RNF103: variants seen among roughly 807,000 people sequenced by gnomAD.
RNF103 encodes the protein ring finger protein 103.
A neutral mutation model predicts 66.2 loss-of-function variants in RNF103; 23 were observed. That is an observed-to-expected ratio of 0.35 (90% confidence interval 0.25 to 0.49). RNF103 has a LOEUF of 0.49. Among genes scored for constraint, RNF103 ranks in the 20% least tolerant of loss-of-function variants. The pLI, the probability that RNF103 is intolerant of heterozygous loss-of-function variation, is 0.98. For synonymous variants in RNF103, 297 were observed against 289.9 expected, an observed-to-expected ratio of 1.02 and a Z score of -0.25; for missense variants, 730 against 814.7, an observed-to-expected ratio of 0.90 and a Z score of 1.27.
chr2:86,615,791 A>C (rs1391207515), intron 2 of RNF103, among the ~76,000 whole-genome samples: 1 of 152,146 alleles, frequency 6.6e-6, no homozygotes, highest in African/African-American at 2.4e-5. Flanking sequence ...CTAGAAGTGA[A>C]GCAATCTTTC....
At chr2:86,619,967 G>A (rs1468550057) in intron 2 of RNF103, among the ~76,000 whole-genome samples, 1 of 152,028 alleles carries the variant, frequency 6.6e-6, no homozygotes, top group Non-Finnish European at 1.5e-5. Flanking sequence ...TCAGGCCACT[G>A]AATTAAAAAC....
At position 86,623,583 on chromosome 2, in the gene RNF103, G is replaced by T; in HGVS notation, c.-697C>A. 1 of 998,682 alleles carries T rather than the reference G, an allele frequency of 1.0e-6. No individual in the cohort carries two copies. Among genetic ancestry groups the T allele is most frequent in the Non-Finnish European group, 1.2e-6 (1 of 837,594 alleles). 61.9% of individuals were successfully genotyped at this position (998,682 alleles called of 1,614,324 possible). On this transcript the variant is annotated 5_prime_UTR_variant, in exon 1 of 4. Coordinates refer to ENST00000237455, the MANE Select transcript of RNF103 (RefSeq NM_005667.4). ...GGTTCGCTCGGGCCGGCTGGCGGGC[G>T]GCGCCTCTCAGGCGGGCGGGCACTG...
intron 3 of RNF103, among the ~76,000 whole-genome samples, chr2:86,606,706 G>T (rs1229986527): frequency 1.3e-5 from 2 of 149,382 alleles, no homozygotes; most frequent in African/African-American, 2.5e-5. Flanking sequence ...AATGAAAACA[G>T]CTGTTGTATC....
At chr2:86,611,261 T>C (rs755812795) in intron 3 of RNF103, among the ~76,000 whole-genome samples, 2 of 151,986 alleles carry the variant, frequency 1.3e-5, no homozygotes, top group Non-Finnish European at 2.9e-5. Flanking sequence ...AGACTAAATG[T>C]GAGTTAAGAG....
chr2:86,620,619 C>A (rs1235067308), intron 1 of RNF103, 150 bp from the exon 2 acceptor site: 10 of 1,072,952 alleles, frequency 9.3e-6, no homozygotes, highest in Middle Eastern at 2.9e-4. Context: ...CCTGGATATA[C>A]CCACTTAGGA....
At chr2:86,615,671 C>A (rs935947792) in intron 2 of RNF103, among the ~76,000 whole-genome samples, 2 of 151,802 alleles carry the variant, frequency 1.3e-5, no homozygotes, top group African/African-American at 4.8e-5. Flanking sequence ...ACATTTTCCT[C>A]AGCAGCTCAG....
chr2:86,608,948 C>T (rs2104216753), intron 3 of RNF103, among the ~76,000 whole-genome samples: 1 of 152,256 alleles, frequency 6.6e-6, no homozygotes, highest in South Asian at 2.1e-4. Context: ...AGAAGTTGCT[C>T]AGAAGTGGTA....
intron 2 of RNF103, chr2:86,617,890 T>TAA: frequency 9.7e-7 from 1 of 1,030,980 alleles, no homozygotes; most frequent in South Asian, 1.6e-5. Context: ...TTCAATCTCA[T>TAA]TCTTCTCAGT....
In RNF103 at chr2:86,605,490, T is replaced by C; in HGVS notation, c.483-72A>G. 2.7e-6 allele frequency: 4 copies of C among 1,475,320 alleles called. No homozygotes were observed. The South Asian group carries it at 5.7e-5, about 21-fold the overall frequency. 91.4% of individuals were successfully genotyped at this position (1,475,320 alleles called of 1,614,324 possible). A position where few individuals can be genotyped will look rare whatever the true frequency, so the allele number is the denominator to read the frequency against. Reference sequence around the variant, plus strand: ...CAATTTATCTTCCCTGACAAATTTCTTTAGCACCTCACCCCAAAGCCAAAT... The same window carrying C: ...CAATTTATCTTCCCTGACAAATTTCCTTAGCACCTCACCCCAAAGCCAAAT... On this transcript the variant is annotated intron_variant, in intron 3 of 3. Coordinates refer to ENST00000237455, the MANE Select transcript of RNF103 (RefSeq NM_005667.4).
At chr2:86,621,707 A>G (rs1679237277) in intron 1 of RNF103, among the ~76,000 whole-genome samples, 1 of 152,232 alleles carries the variant, frequency 6.6e-6, no homozygotes, top group Non-Finnish European at 1.5e-5. Flanking sequence ...CTTGTAAAAG[A>G]TACAGCTGAC....
chr2:86,610,153 A>G (rs1678736693), intron 3 of RNF103, among the ~76,000 whole-genome samples: 1 of 152,242 alleles, frequency 6.6e-6, no homozygotes, highest in Non-Finnish European at 1.5e-5. Context: ...CTGTGCAACA[A>G]AATCATTTTC....
intron 2 of RNF103, 152 bp downstream of exon 2, chr2:86,620,178 A>T: frequency 9.9e-7 from 1 of 1,008,330 alleles, no homozygotes; most frequent in Non-Finnish European, 1.3e-6. Context: ...AAACCTTTTT[A>T]AGAAGATACT....
chr2:86,607,496 A>G (rs892448571), intron 3 of RNF103, among the ~76,000 whole-genome samples: 6 of 152,122 alleles, frequency 3.9e-5, no homozygotes, highest in African/African-American at 1.5e-4. Context: ...TGTGACTCTT[A>G]GCTTCTTGTT....
At position 86,605,606 on chromosome 2, in the gene RNF103, CT is replaced by C. The variant is rs75524849; in HGVS notation, c.483-189del. Among the ~76,000 whole-genome samples the C allele has an allele frequency of 6.5e-4, 95 of 146,532 alleles. No homozygotes were observed. The South Asian group carries it at 7.7e-3, about 12-fold the overall frequency. On this transcript the variant is annotated intron_variant, in intron 3 of 3. Transcript: ENST00000237455. ...TAGTTTGTTTTGTATTTCTGTGTTTCTTTTTTTTTTATTAAATAAAGTGTAT... is the reference window on the plus strand; with the variant it reads ...TAGTTTGTTTTGTATTTCTGTGTTTCTTTTTTTTTATTAAATAAAGTGTAT...
At position 86,605,100 on chromosome 2, in the gene RNF103, A is replaced by G. The variant is rs376272937; in HGVS notation, c.801T>C (p.Asn267=). 4.3e-6 allele frequency: 7 copies of G among 1,613,782 alleles called. No homozygotes were observed. Among genetic ancestry groups the G allele is most frequent in the Non-Finnish European group, 5.9e-6 (7 of 1,180,000 alleles). ...FTGRVEFIFV[N]VENWDNKSYM... ...AACTCTTGTTGTCCCAATTTTCTAC[A>G]TTAACAAAAATAAACTCAACTCTTC... The change falls in exon 4 of 4, where the codon AAT becomes AAC. Residue 267 remains asparagine (N), a synonymous_variant. Coordinates refer to ENST00000237455, the MANE Select transcript of RNF103 (RefSeq NM_005667.4).
At chr2:86,620,663 C>T (rs1462282879) in intron 1 of RNF103, among the ~76,000 whole-genome samples, 194 bp from the exon 2 acceptor site, 1 of 152,114 alleles carries the variant, frequency 6.6e-6, no homozygotes, top group Non-Finnish European at 1.5e-5. Flanking sequence ...GTAAGAACTT[C>T]CTATGCATCA....
intron 2 of RNF103, chr2:86,616,355 C>T: frequency 2.2e-6 from 1 of 449,814 alleles, no homozygotes; most frequent in Non-Finnish European, 2.9e-6. Flanking sequence ...CTTTCAAAAT[C>T]ATAAGCCAAC....
At chr2:86,614,491 T>G (rs1264419752) in intron 2 of RNF103, 1 of 152,484 alleles carries the variant, frequency 6.6e-6, no homozygotes, top group Admixed American at 6.6e-5. Flanking sequence ...TAATCCTAGC[T>G]ACTTGGGAGG....
intron 2 of RNF103, chr2:86,614,888 G>T (rs1176742439): frequency 1.2e-5 from 12 of 985,228 alleles, no homozygotes; most frequent in Non-Finnish European, 1.4e-5. Flanking sequence ...CTTGATCAAG[G>T]TTGCAAATAA....
Sources: allele counts gnomAD v4.1 joint callset (sites outside exome capture counted in the v4.1 genomes callset), GRCh38; gene constraint gnomAD v4.1.1; transcripts MANE v1.5; gene names NCBI Gene and HGNC (gene_info 2026-07-23, HGNC 2026-07-21).